The following THRAP3 variants were observed in gnomAD, a reference collection of about 807,000 sequenced individuals.
THRAP3 encodes thyroid hormone receptor-associated protein 3.
Under a neutral mutation model 101.0 loss-of-function variants are expected in THRAP3, and 16 were observed. The observed-to-expected ratio is 0.16, with a 90% CI of 0.11 to 0.24. The LOEUF (loss-of-function observed/expected upper bound fraction) is 0.24, where lower values mean the gene tolerates loss of function less well. Among genes scored for constraint, THRAP3 ranks in the 10% least tolerant of loss-of-function variants. The pLI, the probability that THRAP3 is intolerant of heterozygous loss-of-function variation, is 1.00. For synonymous variants in THRAP3, 407 were observed against 422.6 expected, an observed-to-expected ratio of 0.96 and a Z score of 0.45; for missense variants, 989 against 1,202.7, an observed-to-expected ratio of 0.82 and a Z score of 2.63.
At chr1:36,234,469 G>A (rs1190105742) in intron 1 of THRAP3, among the ~76,000 whole-genome samples, 1 of 152,058 alleles carries the variant, frequency 6.6e-6, no homozygotes, top group African/African-American at 2.4e-5. Flanking sequence ...TCAGGCCAGT[G>A]TTTGGATATA....
At chr1:36,252,963 TATATATAA>T (rs142477800) in intron 1 of THRAP3, among the ~76,000 whole-genome samples, 43 of 131,536 alleles carry the variant, frequency 3.3e-4, no homozygotes, top group African/African-American at 1.2e-3. Flanking sequence ...TATATATATA[TATATATAA>T]ATGTAAATAA....
At position 36,286,363 on chromosome 1, in the gene THRAP3, T is replaced by C; in HGVS notation, c.138-5T>C. 6.4e-7 allele frequency: 1 copy of C among 1,559,732 alleles called. No homozygotes were observed. The highest frequency in any genetic ancestry group is 1.4e-5 in the African/African-American group (1 of 72,332). The stretch of plus-strand genomic sequence containing the variant: ...AAACATTTGTCTCTTTCCTTTCCAT[T>C]CCAGTTCTAGGTCTCGTTCCAGATC... On this transcript the variant is annotated splice_polypyrimidine_tract_variant and splice_region_variant and intron_variant, in intron 3 of 11. Transcript: ENST00000354618. This position sits in a 1 kb window ranked among gnomAD's most constrained non-coding sequence, Gnocchi z 5.5.
chr1:36,263,114 T>C (rs1380052321), intron 2 of THRAP3, among the ~76,000 whole-genome samples: 1 of 151,258 alleles, frequency 6.6e-6, no homozygotes, highest in Non-Finnish European at 1.5e-5. Context: ...CCGGCCTATT[T>C]TATTTATTTT....
intron 1 of THRAP3, chr1:36,225,344 C>T (rs1159612331): frequency 6.6e-6 from 1 of 152,162 alleles, no homozygotes; most frequent in Non-Finnish European, 1.5e-5. Flanking sequence ...CTGTTGGGAG[C>T]ATAACAGAAG....
the THRAP3 span, among the ~76,000 whole-genome samples, chr1:36,210,746 A>ATATCATATATATATCAT: frequency 2.3e-4 from 23 of 98,842 alleles, no homozygotes; most frequent in Non-Finnish European, 3.8e-4. Context: ...TCATATATAT[A>ATATCATATATATATCAT]AAGTGTCAGC....
chr1:36,294,274 C>CTAT (rs1163660645), intron 8 of THRAP3: 6 of 1,003,670 alleles, frequency 6.0e-6, no homozygotes, highest in Non-Finnish European at 7.2e-6. Flanking sequence ...TATACATGCA[C>CTAT]TATTTCCAAC....
upstream of THRAP3, among the ~76,000 whole-genome samples, chr1:36,222,292 C>T (rs1277110065): frequency 6.6e-6 from 1 of 152,160 alleles, no homozygotes. Flanking sequence ...TGTAAACATA[C>T]TATATAACTT....
the THRAP3 span, among the ~76,000 whole-genome samples, chr1:36,208,949 G>A: frequency 7.0e-6 from 1 of 141,988 alleles, no homozygotes; most frequent in Non-Finnish European, 1.5e-5. Flanking sequence ...TTACAGACGT[G>A]AGCCACCATG....
chr1:36,240,929 G>T (rs1048108363), intron 1 of THRAP3, among the ~76,000 whole-genome samples: 4 of 152,028 alleles, frequency 2.6e-5, no homozygotes, highest in Non-Finnish European at 4.4e-5. Context: ...CTTTTCGGCC[G>T]GGCGCAGTGG....
upstream of THRAP3, among the ~76,000 whole-genome samples, chr1:36,222,070 C>G (rs767589822): frequency 1.3e-5 from 2 of 152,130 alleles, no homozygotes; most frequent in Admixed American, 6.6e-5. Context: ...CCTCGCCCTC[C>G]CCAAGTGCAG....
chr1:36,265,459 CTTTTT>C (rs60539096), intron 2 of THRAP3, among the ~76,000 whole-genome samples: 69 of 104,792 alleles, frequency 6.6e-4, no homozygotes, highest in Non-Finnish European at 9.3e-4. Context: ...AGACAGGAAA[CTTTTT>C]TTTTTTTTTT....
rs1370301495 is a variant in THRAP3, at chr1:36,230,977, C to G, written c.-135+6472C>G. On this transcript the variant is annotated intron_variant, in intron 1 of 11. Transcript: ENST00000354618. ...TGTCATTTCCAATTTGCCCTAGACC[C>G]TGCCAACAGTCTGACATGTAGCCCT... is the stretch of plus-strand genomic sequence containing the variant. Among the ~76,000 whole-genome samples, 4 of 152,316 alleles carry G rather than the reference C, an allele frequency of 2.6e-5. No homozygotes were observed. The East Asian group carries it at 7.7e-4, about 29-fold the overall frequency.
chr1:36,294,922 T>C lies in THRAP3; in HGVS notation c.2115+987T>C, dbSNP rs570223460. On this transcript the variant is annotated intron_variant, in intron 8 of 11. Transcript: ENST00000354618. The stretch of plus-strand genomic sequence containing the variant: ...CAGTTCCCTCTGTTAGGAAACAAAT[T>C]AAGTGATAAAACAATAAACGGCCGG... Among the ~76,000 whole-genome samples, 17 of 152,166 alleles carry C rather than the reference T, an allele frequency of 1.1e-4. No individual in the cohort carries two copies. The South Asian group carries it at 3.5e-3, about 32-fold the overall frequency.
At chr1:36,215,746 A>G in the THRAP3 span, among the ~76,000 whole-genome samples, 2 of 151,664 alleles carry the variant, frequency 1.3e-5, no homozygotes, top group Non-Finnish European at 2.9e-5. Context: ...CACAAAAAGA[A>G]TATTTTCTTT....
chr1:36,250,887 T>C (rs1014505436), intron 1 of THRAP3, among the ~76,000 whole-genome samples: 1 of 152,036 alleles, frequency 6.6e-6, no homozygotes, highest in Non-Finnish European at 1.5e-5. Flanking sequence ...GCTGGGACTG[T>C]AGGCGTGTGC....
At chr1:36,258,940 G>A (rs1645409859) in intron 1 of THRAP3, among the ~76,000 whole-genome samples, 2 of 152,210 alleles carry the variant, frequency 1.3e-5, no homozygotes, top group Non-Finnish European at 2.9e-5. Context: ...GACAACTGGA[G>A]CAGAAGGGAA....
chr1:36,217,761 C>T, the THRAP3 span, among the ~76,000 whole-genome samples: 2 of 152,246 alleles, frequency 1.3e-5, no homozygotes, highest in South Asian at 2.1e-4. Flanking sequence ...GTGCCACATA[C>T]TGCACCCATA....
intron 1 of THRAP3, among the ~76,000 whole-genome samples, chr1:36,235,656 G>A (rs903243432): frequency 6.6e-6 from 1 of 152,030 alleles, no homozygotes; most frequent in Admixed American, 6.6e-5. Context: ...AACACTGCTG[G>A]TAGCAGTATA....
chr1:36,215,497 T>C, the THRAP3 span, among the ~76,000 whole-genome samples: 1 of 152,188 alleles, frequency 6.6e-6, no homozygotes, highest in African/African-American at 2.4e-5. Context: ...GCTAACTATA[T>C]CGTTTATGGG....
Sources: gnomAD v4.1 joint callset for allele counts (sites outside exome capture counted in the v4.1 genomes callset) on GRCh38, gnomAD v4.1.1 for gene constraint, Gnocchi (gnomAD v3.1) non-coding constraint, MANE v1.5 for transcripts, NCBI Gene and HGNC (gene_info 2026-07-23, HGNC 2026-07-21) for gene names.